PRKCA: variants seen among roughly 807,000 people sequenced by gnomAD.
PRKCA encodes the protein protein kinase C alpha type.
PRKCA carries 27 observed loss-of-function variants against 87.0 expected under a neutral mutation model. That is an observed-to-expected ratio of 0.31 (90% confidence interval 0.23 to 0.43). The LOEUF is 0.43. Among genes scored for constraint, PRKCA ranks in the 20% least tolerant of loss-of-function variants. The pLI, the probability that PRKCA is intolerant of heterozygous loss-of-function variation, is 1.00. For synonymous variants in PRKCA, 329 were observed against 311.1 expected, an observed-to-expected ratio of 1.06 and a Z score of -0.61; for missense variants, 518 against 852.3, an observed-to-expected ratio of 0.61 and a Z score of 4.88.
intron 5 of PRKCA, among the ~76,000 whole-genome samples, chr17:66,659,749 G>T (rs1343605101): frequency 1.3e-5 from 2 of 151,902 alleles, no homozygotes; most frequent in Non-Finnish European, 2.9e-5. Context: ...ACAAAAAAAA[G>T]AAGTCACTAA....
chr17:66,482,110 A>AAAG (rs1555609700), intron 2 of PRKCA, among the ~76,000 whole-genome samples: 3 of 150,906 alleles, frequency 2.0e-5, no homozygotes, highest in Non-Finnish European at 2.9e-5. Flanking sequence ...AAAAAAAAAA[A>AAAG]AAAAAAAGAA....
intron 2 of PRKCA, among the ~76,000 whole-genome samples, chr17:66,459,699 G>C (rs1029597048): frequency 6.6e-6 from 1 of 152,110 alleles, no homozygotes. Context: ...TCTCTTTATC[G>C]TTACTGTGTT....
chr17:66,734,085 G>T (rs1973966471), intron 9 of PRKCA, among the ~76,000 whole-genome samples: 1 of 152,194 alleles, frequency 6.6e-6, no homozygotes, highest in Non-Finnish European at 1.5e-5. Context: ...TGCCATGCCA[G>T]CTGGGCCCTG....
intron 5 of PRKCA, among the ~76,000 whole-genome samples, chr17:66,647,289 A>G (rs1046926272): frequency 1.3e-5 from 2 of 152,230 alleles, no homozygotes; most frequent in African/African-American, 4.8e-5. Context: ...ATAAAGTAGA[A>G]TGCCTATGGC....
intron 3 of PRKCA, among the ~76,000 whole-genome samples, chr17:66,502,376 G>C (rs1232176409): frequency 6.6e-6 from 1 of 151,454 alleles, no homozygotes; most frequent in South Asian, 2.1e-4. Flanking sequence ...CTGGGACTAC[G>C]GGCATGCACC....
At chr17:66,774,692 G>T (rs1215194121) in intron 14 of PRKCA, 9 of 986,184 alleles carry the variant, frequency 9.1e-6, no homozygotes, top group Non-Finnish European at 1.1e-5. Context: ...CTGGGGTTGG[G>T]TTATATGGTT....
At chr17:66,751,817 A>G (rs1223195532) in intron 13 of PRKCA, among the ~76,000 whole-genome samples, 3 of 152,142 alleles carry the variant, frequency 2.0e-5, no homozygotes, top group Admixed American at 1.3e-4. Flanking sequence ...GGAAACTTAC[A>G]ATCATGGCGG....
chr17:66,735,823 G>A (rs1974008944), intron 10 of PRKCA, among the ~76,000 whole-genome samples, 161 bp downstream of exon 10: 1 of 151,950 alleles, frequency 6.6e-6, no homozygotes, highest in Non-Finnish European at 1.5e-5. Context: ...CTCTCTCACT[G>A]GTAGATTTGG....
chr17:66,503,051 A>C (rs1485066368), intron 3 of PRKCA, among the ~76,000 whole-genome samples: 5 of 152,222 alleles, frequency 3.3e-5, no homozygotes, highest in Non-Finnish European at 7.3e-5. Flanking sequence ...AACTGTTTAC[A>C]CATAATCTTT....
rs112575159 is a variant in PRKCA, at chr17:66,765,428, A to C, written c.1525-8559A>C. Among the ~76,000 whole-genome samples, 314 of 102,750 alleles carry C rather than the reference A, an allele frequency of 3.1e-3. 5 individuals are homozygous for C. The highest frequency in any genetic ancestry group is 5.0e-3 in the African/African-American group (124 of 24,720). The allele number at this position is 102,750 out of a possible 152,430, so 67.4% of individuals were successfully genotyped here. On this transcript the variant is annotated intron_variant, in intron 13 of 16. Coordinates refer to ENST00000413366, the MANE Select transcript of PRKCA (RefSeq NM_002737.3). Reference sequence around the variant, plus strand: ...AGAGCAAGACTTTGTCTATATATATATATATATATATATATATATATATAT... The same window carrying C: ...AGAGCAAGACTTTGTCTATATATATCTATATATATATATATATATATATAT...
chr17:66,641,682 A>C (rs1971300797), intron 4 of PRKCA, among the ~76,000 whole-genome samples: 1 of 150,346 alleles, frequency 6.7e-6, no homozygotes, highest in South Asian at 2.1e-4. Context: ...CCCAAAAAGC[A>C]CTCGATTTAT....
intron 3 of PRKCA, among the ~76,000 whole-genome samples, chr17:66,512,515 C>G (rs1917283167): frequency 2.0e-5 from 3 of 150,298 alleles, no homozygotes; most frequent in Admixed American, 6.7e-5. Flanking sequence ...CCTTGGTCCA[C>G]AAGGCCCATC....
intron 2 of PRKCA, among the ~76,000 whole-genome samples, chr17:66,495,430 C>A (rs1261694511): frequency 2.6e-5 from 4 of 152,106 alleles, no homozygotes; most frequent in African/African-American, 9.7e-5. Context: ...TATTTATAAT[C>A]AGTTATTCTC....
intron 2 of PRKCA, among the ~76,000 whole-genome samples, chr17:66,420,877 A>T (rs748577185): frequency 6.6e-6 from 1 of 152,200 alleles, no homozygotes; most frequent in African/African-American, 2.4e-5. Context: ...TGTCCCCTGC[A>T]TTCCCCTCCT....
intron 2 of PRKCA, among the ~76,000 whole-genome samples, chr17:66,366,977 T>C (rs1908768415): frequency 6.6e-6 from 1 of 152,206 alleles, no homozygotes; most frequent in African/African-American, 2.4e-5. Flanking sequence ...CATGTAACAA[T>C]AATTTTCATG....
At chr17:66,306,053 A>G (rs1410674957) in intron 1 of PRKCA, 43 bp from the exon 2 acceptor site, 5 of 1,598,562 alleles carry the variant, frequency 3.1e-6, no homozygotes, top group Admixed American at 1.7e-5. Flanking sequence ...GCTATCCAAC[A>G]GAAAATATGT....
intron 8 of PRKCA, chr17:66,696,450 G>A (rs1972925141): frequency 6.6e-6 from 1 of 152,290 alleles, no homozygotes; most frequent in Middle Eastern, 3.4e-3. Flanking sequence ...AGAGACTGCC[G>A]CATAGGACTG....
chr17:66,579,790 G>T (rs1017848303), intron 3 of PRKCA, among the ~76,000 whole-genome samples: 1 of 152,176 alleles, frequency 6.6e-6, no homozygotes, highest in Admixed American at 6.5e-5. Context: ...GGATTTTTAT[G>T]TGATCAGACT....
chr17:66,793,569 G>A (rs1030043563), intron 16 of PRKCA, among the ~76,000 whole-genome samples: 4 of 123,994 alleles, frequency 3.2e-5, no homozygotes, highest in Admixed American at 1.0e-4. Flanking sequence ...CAGCCTGGGC[G>A]ACAAGAATGA....
Sources: allele counts gnomAD v4.1 joint callset (sites outside exome capture counted in the v4.1 genomes callset), GRCh38; gene constraint gnomAD v4.1.1; transcripts MANE v1.5; gene names NCBI Gene and HGNC (gene_info 2026-07-23, HGNC 2026-07-21).